SMAD3: variants seen among roughly 807,000 people sequenced by gnomAD.
The protein encoded by SMAD3 is MAD homolog 3.
Under a neutral mutation model 51.8 loss-of-function variants are expected in SMAD3, and 12 were observed. The ratio of observed to expected loss-of-function variants is 0.23; its 90% CI spans 0.15 to 0.38. SMAD3 has a LOEUF of 0.38. SMAD3 is among the 10% of genes least tolerant of loss of function. The pLI is 1.00. For missense variants in SMAD3, 294 were observed against 565.6 expected (o/e 0.52, Z 4.87); for synonymous variants, 238 against 227.7 (o/e 1.05, Z -0.41).
chr15:67,163,523 G>A (rs1025315546), intron 1 of SMAD3, among the ~76,000 whole-genome samples: 3 of 152,218 alleles, frequency 2.0e-5, no homozygotes, highest in Non-Finnish European at 4.4e-5. Context: ...TGCTTTTGCC[G>A]CCCCAAGCTC....
At chr15:67,122,868 A>G (rs1012432229) in intron 1 of SMAD3, among the ~76,000 whole-genome samples, 19 of 152,202 alleles carry the variant, frequency 1.2e-4, no homozygotes, top group Admixed American at 1.2e-3. Flanking sequence ...TAAAACAGGG[A>G]TAAAATATCT....
At chr15:67,184,607 G>C (rs1963169864) in intron 6 of SMAD3, 120 bp from the exon 7 acceptor site, 1 of 1,264,652 alleles carries the variant, frequency 7.9e-7, no homozygotes, top group African/African-American at 1.5e-5. Flanking sequence ...TTTGCCTGGG[G>C]AAGCTGGCAG....
chr15:67,108,229 G>A lies in SMAD3; in HGVS notation c.206+41869G>A, dbSNP rs75871464. On this transcript the variant is annotated intron_variant, in intron 1 of 8. Transcript: ENST00000327367. ...TTGTATTATTGCTGTAAATGGGCAGGGATTACGCATTTGTGGAGTGACTGA... is the reference window on the plus strand; with the variant it reads ...TTGTATTATTGCTGTAAATGGGCAGAGATTACGCATTTGTGGAGTGACTGA... 6.6e-3 allele frequency among the ~76,000 whole-genome samples: 1,001 copies of A among 152,184 alleles called. 9 individuals are homozygous for A. Among genetic ancestry groups the A allele is most frequent in the African/African-American group, 0.023 (965 of 41,502 alleles).
At chr15:67,112,325 ATT>A (rs56655463) in intron 1 of SMAD3, among the ~76,000 whole-genome samples, 5 of 102,684 alleles carry the variant, frequency 4.9e-5, no homozygotes, top group Admixed American at 1.1e-4. Context: ...AATTTTTTGT[ATT>A]TTTTTTTTTT....
Position 67,181,471 on chromosome 15 carries a change from T to TGC in SMAD3, c.871+18_871+19insGC. 2.0e-6 allele frequency: 3 copies of TGC among 1,521,090 alleles called. No individual in the cohort carries two copies. Among genetic ancestry groups the TGC allele is most frequent in the Non-Finnish European group, 8.8e-7 (1 of 1,131,998 alleles). 94.2% of individuals were successfully genotyped at this position (1,521,090 alleles called of 1,614,324 possible). ...ACACATCGGTATGGGGTGGCTCCAT[T>TGC]CCCCGCCCCCCCACCCTGCCCCTGC... On this transcript the variant is annotated intron_variant, in intron 6 of 8. Coordinates refer to ENST00000327367, the MANE Select transcript of SMAD3 (RefSeq NM_005902.4).
chr15:67,096,999 A>G (rs1960629198), intron 1 of SMAD3, among the ~76,000 whole-genome samples: 1 of 152,176 alleles, frequency 6.6e-6, no homozygotes, highest in African/African-American at 2.4e-5. Flanking sequence ...TGGGCAGCCT[A>G]GTATAGAGGT....
At chr15:67,145,601 G>C (rs879751789) in intron 1 of SMAD3, among the ~76,000 whole-genome samples, 1 of 152,150 alleles carries the variant, frequency 6.6e-6, no homozygotes, top group Admixed American at 6.5e-5. Context: ...GGATTTTCTG[G>C]TTCGTGAATG....
intron 1 of SMAD3, among the ~76,000 whole-genome samples, chr15:67,076,722 C>A (rs1484052339): frequency 6.6e-6 from 1 of 152,228 alleles, no homozygotes; most frequent in Admixed American, 6.5e-5. Context: ...AGAGCAAGCA[C>A]TTCCTTTTTC....
At chr15:67,081,471 C>T (rs183405180) in intron 1 of SMAD3, among the ~76,000 whole-genome samples, 6 of 152,276 alleles carry the variant, frequency 3.9e-5, no homozygotes, top group East Asian at 1.9e-4. Context: ...CATTCTGTAT[C>T]GGAGCCCAGC....
rs376998335 is a variant in SMAD3 at position 67,159,364 on chromosome 15, T to A, written c.207-5531T>A. Among the ~76,000 whole-genome samples the A allele has an allele frequency of 6.6e-5, 10 of 152,266 alleles. No individual in the cohort carries two copies. In the South Asian group the frequency reaches 1.0e-3, roughly 16 times the overall value. ...GGGATTACAAGTGTGAGCCACCACG[T>A]CCAGTCAGTGTTTTAGATGAAAAAT... On this transcript the variant is annotated intron_variant, in intron 1 of 8. Transcript: ENST00000327367.
chr15:67,081,430 A>G (rs1166164484), intron 1 of SMAD3, among the ~76,000 whole-genome samples: 8 of 152,114 alleles, frequency 5.3e-5, no homozygotes, highest in African/African-American at 1.7e-4. Context: ...GCAGTAAGCC[A>G]GTTGGCCCCT....
chr15:67,069,987 A>G (rs566941695), intron 1 of SMAD3, among the ~76,000 whole-genome samples: 2 of 152,266 alleles, frequency 1.3e-5, no homozygotes, highest in South Asian at 4.1e-4. Context: ...TACAGGCGTG[A>G]GCCACCGCGC....
chr15:67,099,489 A>G lies in SMAD3; in HGVS notation c.206+33129A>G, dbSNP rs79984408. ...AATTTCATGTGGCAAGATTACTTGA[A>G]GAAGGGTTCCAGTGTTTTGCTAGCT... On this transcript the variant is annotated intron_variant, in intron 1 of 8. Transcript: ENST00000327367. 5.7e-3 allele frequency among the ~76,000 whole-genome samples: 869 copies of G among 152,352 alleles called. 49 individuals are homozygous for G. In the East Asian group the frequency reaches 0.13, roughly 22 times the overall value.
In SMAD3 at chr15:67,165,008, A is replaced by T; in HGVS notation, c.320A>T (p.Glu107Val). 6.2e-7 allele frequency: 1 copy of T among 1,614,078 alleles called. No homozygotes were observed. Among genetic ancestry groups the T allele is most frequent in the Non-Finnish European group, 8.5e-7 (1 of 1,180,010 alleles). Reference sequence around the variant, plus strand: ...AGCCACCACGAGCTACGGGCCATGGAGCTGTGTGAGTTCGCCTTCAATATG... The same window carrying T: ...AGCCACCACGAGCTACGGGCCATGGTGCTGTGTGAGTTCGCCTTCAATATG... ...LHSHHELRAM[E>V]LCEFAFNMKK... The change falls in exon 2 of 9, where the codon GAG becomes GTG. Residue 107 changes from glutamate to valine, a missense_variant. By Grantham distance (121) the Glu-to-Val change is moderately radical. Around this residue, in one of 3 missense-constraint regions of SMAD3, gnomAD observed 147 missense variants for 260.9 expected, o/e 0.56. Transcript: ENST00000327367.
chr15:67,174,938 G>T (rs1595950589), intron 5 of SMAD3, among the ~76,000 whole-genome samples: 1 of 152,332 alleles, frequency 6.6e-6, no homozygotes, highest in Admixed American at 6.5e-5. Flanking sequence ...GGGACTCCTG[G>T]TTGAGACCTG....
intron 6 of SMAD3, among the ~76,000 whole-genome samples, chr15:67,182,562 A>G (rs1360858232): frequency 6.6e-6 from 1 of 152,116 alleles, no homozygotes; most frequent in Non-Finnish European, 1.5e-5. Context: ...CGCTTGCTTT[A>G]TATCTCGGGC....
rs1002217697 is a variant in SMAD3 at position 67,141,016 on chromosome 15, A to G, written c.207-23879A>G. 2.6e-4 allele frequency among the ~76,000 whole-genome samples: 40 copies of G among 152,328 alleles called. 1 individual carries two copies. The East Asian group carries it at 5.0e-3, about 19-fold the overall frequency. ...TGTAAAAGTTGGCAACCATTTAAAA[A>G]TTTTAAAAACGCTCTGCAGGCCAAG... On this transcript the variant is annotated intron_variant, in intron 1 of 8. Coordinates refer to ENST00000327367, the MANE Select transcript of SMAD3 (RefSeq NM_005902.4).
At chr15:67,125,909 G>A in intron 1 of SMAD3, 1 of 985,508 alleles carries the variant, frequency 1.0e-6, no homozygotes, top group Non-Finnish European at 1.2e-6. Flanking sequence ...GGTTCCCACA[G>A]GATGCGACAT....
At chr15:67,125,167 C>T (rs976654087) in intron 1 of SMAD3, among the ~76,000 whole-genome samples, 1 of 152,184 alleles carries the variant, frequency 6.6e-6, no homozygotes, top group Non-Finnish European at 1.5e-5. Flanking sequence ...CAGGCCCACC[C>T]ACTGCTGGGC....
Sources: gnomAD v4.1 joint callset for allele counts (sites outside exome capture counted in the v4.1 genomes callset) on GRCh38, gnomAD v4.1.1 for gene constraint, gnomAD v4.1.1 regional missense constraint, MANE v1.5 for transcripts, NCBI Gene and HGNC (gene_info 2026-07-23, HGNC 2026-07-21) for gene names.